The following LTBP2 variants were observed in gnomAD, a reference collection of about 807,000 sequenced individuals.
LTBP2 encodes latent-transforming growth factor beta-binding protein 2.
LTBP2 carries 103 observed loss-of-function variants against 210.6 expected under a neutral mutation model. The observed-to-expected ratio is 0.49, with a 90% CI of 0.42 to 0.58. The LOEUF is 0.58. Ranked by LOEUF, LTBP2 falls within the 20% of genes least tolerant of loss-of-function variation. The pLI is 0.00. For synonymous variants in LTBP2, 1,007 were observed against 1,015.0 expected (o/e 0.99, Z 0.15); for missense variants, 2,313 against 2,494.5 (o/e 0.93, Z 1.55).
At position 74,528,611 on chromosome 14, in the gene LTBP2, T is replaced by C. The variant is rs142564366; in HGVS notation, c.2240A>G (p.Glu747Gly). Residue 747 changes from glutamate to glycine, a missense_variant, in exon 12 of 36, where the codon GAG becomes GGG. Glu to Gly is a moderately conservative substitution (Grantham distance 98). This residue lies in a region of LTBP2 where 1,867 missense variants were observed against 1,976.9 expected (regional missense o/e 0.94). Coordinates refer to ENST00000261978, the MANE Select transcript of LTBP2 (RefSeq NM_000428.3). ...IRLSMRKAEE[E>G]ELARPPREQG... ...CTCCCTTGGGGGCCTTGCCAGTTCC[T>C]CCTCCTCGGCTTTCCTCATGGACAG... is the stretch of plus-strand genomic sequence containing the variant. The C allele has an allele frequency of 4.3e-5, 69 of 1,613,490 alleles. No individual in the cohort carries two copies. In the African/African-American group the frequency reaches 7.2e-4, roughly 17 times the overall value.
At chr14:74,503,807 T>TG in intron 31 of LTBP2, 119 bp downstream of exon 31, 2 of 1,469,516 alleles carry the variant, frequency 1.4e-6, no homozygotes, top group Admixed American at 1.9e-5. Context: ...CCTGCTGCAG[T>TG]GGGCGGCCTC....
chr14:74,611,324 C>G (rs970712933), intron 1 of LTBP2, 127 bp downstream of exon 1: 2 of 1,134,910 alleles, frequency 1.8e-6, no homozygotes, highest in Non-Finnish European at 2.3e-6. Context: ...GGGGCTGTTT[C>G]CCGAAGTACT....
intron 2 of LTBP2, among the ~76,000 whole-genome samples, chr14:74,601,644 C>T (rs933741236): frequency 4.6e-5 from 7 of 152,182 alleles, no homozygotes; most frequent in Non-Finnish European, 1.0e-4. Context: ...GTCAGGGCCA[C>T]GAGGCCTGAG....
intron 2 of LTBP2, among the ~76,000 whole-genome samples, chr14:74,596,259 AAATAAAAATT>A (rs1385701976): frequency 4.0e-5 from 6 of 150,534 alleles, no homozygotes; most frequent in African/African-American, 7.4e-5. Context: ...ATAAATAAAT[AAATAAAAATT>A]AAAAACAAAG....
At chr14:74,550,239 A>G (rs2087634305) in intron 7 of LTBP2, among the ~76,000 whole-genome samples, 1 of 152,158 alleles carries the variant, frequency 6.6e-6, no homozygotes, top group Non-Finnish European at 1.5e-5. Flanking sequence ...ACCACCCTCC[A>G]TGGCCCCAAC....
intron 2 of LTBP2, among the ~76,000 whole-genome samples, chr14:74,594,255 C>T (rs75472247): frequency 0.015 from 2,283 of 152,290 alleles, 62 homozygotes; most frequent in African/African-American, 0.049. Flanking sequence ...GGCTCTCTCT[C>T]CTGGGCCCCA....
At chr14:74,605,776 GAGGGC>G (rs2088517596) in intron 1 of LTBP2, among the ~76,000 whole-genome samples, 2 of 152,318 alleles carry the variant, frequency 1.3e-5, no homozygotes, top group African/African-American at 2.4e-5. Context: ...CTGACTGTGG[GAGGGC>G]AGGGGCCAAC....
chr14:74,548,236 G>A (rs2139742322), intron 8 of LTBP2, among the ~76,000 whole-genome samples: 1 of 151,162 alleles, frequency 6.6e-6, no homozygotes, highest in Non-Finnish European at 1.5e-5. Context: ...TTGAACAAAT[G>A]GAAGGGCAGG....
intron 19 of LTBP2, 144 bp from the exon 20 acceptor site, chr14:74,510,357 T>A: frequency 8.3e-7 from 1 of 1,204,758 alleles, no homozygotes; most frequent in Non-Finnish European, 1.2e-6. Context: ...CATGAGGCCA[T>A]GCTCCCTCCT....
intron 3 of LTBP2, among the ~76,000 whole-genome samples, chr14:74,565,329 G>T (rs1367715527): frequency 6.6e-6 from 1 of 152,218 alleles, no homozygotes; most frequent in Non-Finnish European, 1.5e-5. Flanking sequence ...CCTAGGACAT[G>T]TTGGGATGGG....
At chr14:74,604,554 CT>C (rs779089868) in intron 1 of LTBP2, among the ~76,000 whole-genome samples, 1,646 of 142,132 alleles carry the variant, frequency 0.012, 21 homozygotes, top group African/African-American at 0.031. Flanking sequence ...TCAACTACTC[CT>C]TTTTTTTTTT....
chr14:74,529,194 G>C (rs750606804), intron 10 of LTBP2, 72 bp from the exon 11 acceptor site: 1 of 1,522,478 alleles, frequency 6.6e-7, no homozygotes, highest in African/African-American at 1.4e-5. Context: ...GGAGGGCAGT[G>C]GATGGAGGTG....
At chr14:74,550,025 G>C (rs2087630250) in intron 7 of LTBP2, 60 bp from the exon 8 acceptor site, 2 of 1,124,994 alleles carry the variant, frequency 1.8e-6, no homozygotes, top group African/African-American at 3.1e-5. Flanking sequence ...GCTGTGCACA[G>C]AGATGTCCCG....
chr14:74,527,478 G>A (rs2087289056), intron 12 of LTBP2, 112 bp from the exon 13 acceptor site: 1 of 1,164,414 alleles, frequency 8.6e-7, no homozygotes, highest in Admixed American at 2.0e-5. Flanking sequence ...ATCCCCAGCA[G>A]GGCCAGCAGC....
chr14:74,611,737 T>G lies in LTBP2; in HGVS notation c.208A>C (p.Ser70Arg). ...YPAAAAAKVYSLFREQDAPVA... is the reference protein window; with the variant it reads ...YPAAAAAKVYRLFREQDAPVA... Reference sequence around the variant, plus strand: ...GGCGCGTCCTGCTCCCGGAACAGACTGTACACCTTGGCTGCAGCCGCTGCC... The same window carrying G: ...GGCGCGTCCTGCTCCCGGAACAGACGGTACACCTTGGCTGCAGCCGCTGCC... Residue 70 changes from serine to arginine, a missense_variant, in exon 1 of 36, where the codon AGT becomes CGT. Coordinates refer to ENST00000261978, the MANE Select transcript of LTBP2 (RefSeq NM_000428.3). 2 of 1,603,970 alleles carry G rather than the reference T, an allele frequency of 1.2e-6. No homozygotes were observed. The highest frequency in any genetic ancestry group is 1.7e-6 in the Non-Finnish European group (2 of 1,178,810).
chr14:74,569,190 G>GGGAGGGA (rs2087942047), intron 3 of LTBP2, among the ~76,000 whole-genome samples: 1 of 148,866 alleles, frequency 6.7e-6, no homozygotes, highest in Non-Finnish European at 1.5e-5. Context: ...GAGGGAGGGA[G>GGGAGGGA]GGAGGGAGGG....
chr14:74,602,207 C>T (rs2088458165), intron 2 of LTBP2, among the ~76,000 whole-genome samples: 1 of 152,226 alleles, frequency 6.6e-6, no homozygotes, highest in Non-Finnish European at 1.5e-5. Flanking sequence ...CTTGCAGCAG[C>T]AGAGCTTGGC....
At position 74,509,034 on chromosome 14, in the gene LTBP2, C is replaced by T. The variant is rs1458958454; in HGVS notation, c.3404-82G>A. 17 of 1,594,896 alleles carry T rather than the reference C, an allele frequency of 1.1e-5. No homozygotes were observed. In the East Asian group the frequency reaches 3.6e-4, roughly 34 times the overall value. ...AGTCAAGGGGGAAGTCTCCAGAGGA[C>T]CTGTCACCTGCCTGCAGAGCTGGAC... On this transcript the variant is annotated intron_variant, in intron 22 of 35. Transcript: ENST00000261978.
In LTBP2 at chr14:74,508,658, A is replaced by G. The variant is rs771949863; in HGVS notation, c.3598T>C (p.Phe1200Leu). Residue 1200 changes from phenylalanine (F) to leucine (L), a missense_variant, in exon 24 of 36, where the codon TTC (phenylalanine) becomes CTC (leucine). Physicochemically the swap from Phe to Leu is conservative, Grantham distance 22 (BLOSUM62 0). This residue lies in a region of LTBP2 where 1,867 missense variants were observed against 1,976.9 expected (regional missense o/e 0.94). Transcript: ENST00000261978. ...ACGAAGCCAGGCGCGCACAGACAGA[A>G]GAAAGACCCGTGGCTGTTGAGGCAC... ...GECLNSHGSFFCLCAPGFVSA... is the reference protein window; with the variant it reads ...GECLNSHGSFLCLCAPGFVSA... 3 of 1,613,394 alleles carry G rather than the reference A, an allele frequency of 1.9e-6. No individual in the cohort carries two copies. Among genetic ancestry groups the G allele is most frequent in the Middle Eastern group, 3.3e-4 (2 of 6,062 alleles).
Sources: gnomAD v4.1 joint callset for allele counts (sites outside exome capture counted in the v4.1 genomes callset) on GRCh38, gnomAD v4.1.1 for gene constraint, gnomAD v4.1.1 regional missense constraint, MANE v1.5 for transcripts, NCBI Gene and HGNC (gene_info 2026-07-23, HGNC 2026-07-21) for gene names.